RREB1: variants seen among roughly 807,000 people sequenced by gnomAD.
RREB1 encodes ras responsive element binding protein 1, also known as ras-responsive element-binding protein 1.
Under a neutral mutation model 117.8 loss-of-function variants are expected in RREB1, and 27 were observed. The observed-to-expected ratio is 0.23, with a 90% CI of 0.17 to 0.32. RREB1 has a LOEUF of 0.32. Ranked by LOEUF, RREB1 falls within the 10% of genes least tolerant of loss-of-function variation. RREB1 has a pLI of 1.00. For missense variants in RREB1, 2,577 were observed against 2,378.2 expected, an observed-to-expected ratio of 1.08 and a Z score of -1.74; for synonymous variants, 1,298 against 1,026.7, an observed-to-expected ratio of 1.26 and a Z score of -5.05.
intron 1 of RREB1, among the ~76,000 whole-genome samples, chr6:7,172,299 C>A (rs1277746109): frequency 6.6e-6 from 1 of 151,768 alleles, no homozygotes; most frequent in African/African-American, 2.4e-5. Flanking sequence ...TCAGAAGATA[C>A]CCAAAGAGGA....
chr6:7,136,855 T>C (rs1447699306), intron 1 of RREB1, among the ~76,000 whole-genome samples: 1 of 152,230 alleles, frequency 6.6e-6, no homozygotes, highest in Non-Finnish European at 1.5e-5. Context: ...GTGTTGTGTT[T>C]GCCTCAGAAT....
intron 1 of RREB1, among the ~76,000 whole-genome samples, chr6:7,115,669 C>T (rs890544490): frequency 6.6e-5 from 10 of 152,140 alleles, no homozygotes; most frequent in African/African-American, 9.7e-5. Flanking sequence ...ACGCACTCTG[C>T]GTTCTGGTGC....
chr6:7,219,814 G>A (rs542930102), intron 8 of RREB1, among the ~76,000 whole-genome samples: 2 of 152,134 alleles, frequency 1.3e-5, no homozygotes, highest in African/African-American at 4.8e-5. Flanking sequence ...TACATACCAG[G>A]GGCCATGTAG....
intron 2 of RREB1, among the ~76,000 whole-genome samples, chr6:7,179,091 T>A (rs2113523161): frequency 1.3e-5 from 2 of 152,330 alleles, no homozygotes; most frequent in South Asian, 4.1e-4. Context: ...ATATATTTTT[T>A]TCACTTTGCT....
At chr6:7,136,431 G>A (rs1395925552) in intron 1 of RREB1, among the ~76,000 whole-genome samples, 1 of 152,150 alleles carries the variant, frequency 6.6e-6, no homozygotes, top group African/African-American at 2.4e-5. Flanking sequence ...TTTTGTAAGA[G>A]ATGTTATTTA....
At chr6:7,232,113 C>T (rs781452708) in intron 10 of RREB1, among the ~76,000 whole-genome samples, 1 of 152,176 alleles carries the variant, frequency 6.6e-6, no homozygotes, top group South Asian at 2.1e-4. Flanking sequence ...GTGCAGGGGC[C>T]GAGCCCTCCA....
intron 4 of RREB1, among the ~76,000 whole-genome samples, chr6:7,182,437 T>A (rs1184522081): frequency 6.6e-6 from 1 of 152,172 alleles, no homozygotes; most frequent in African/African-American, 2.4e-5. Context: ...TTAAGTATCT[T>A]CAGATTAGGT....
At chr6:7,109,208 G>A (rs2113265145) in intron 1 of RREB1, among the ~76,000 whole-genome samples, 1 of 151,906 alleles carries the variant, frequency 6.6e-6, no homozygotes, top group South Asian at 2.1e-4. Context: ...CTCCCATCCC[G>A]GCCCCCGGCG....
intron 1 of RREB1, among the ~76,000 whole-genome samples, chr6:7,125,965 C>T (rs890068163): frequency 1.2e-4 from 18 of 151,404 alleles, no homozygotes; most frequent in African/African-American, 4.1e-4. Flanking sequence ...CTGCTTCTTC[C>T]TGTCTGCGGA....
chr6:7,152,438 CA>C (rs1330374898), intron 1 of RREB1, among the ~76,000 whole-genome samples: 1 of 152,116 alleles, frequency 6.6e-6, no homozygotes, highest in African/African-American at 2.4e-5. Flanking sequence ...ATCCACTCAC[CA>C]AAAAACCCAA....
intron 1 of RREB1, among the ~76,000 whole-genome samples, chr6:7,138,991 G>T (rs1046855127): frequency 6.6e-6 from 1 of 152,114 alleles, no homozygotes; most frequent in African/African-American, 2.4e-5. Context: ...CTAGCCAAAG[G>T]TTCACACATG....
chr6:7,174,343 C>T (rs529519244), intron 1 of RREB1, among the ~76,000 whole-genome samples: 2 of 152,220 alleles, frequency 1.3e-5, no homozygotes, highest in African/African-American at 4.8e-5. Context: ...AAATCATTTA[C>T]ACCCAAGGGC....
In RREB1 at chr6:7,167,204, A is replaced by G. The variant is rs181633697; in HGVS notation, c.-284-9451A>G. 1.2e-3 allele frequency among the ~76,000 whole-genome samples: 183 copies of G among 152,296 alleles called. 2 individuals are homozygous for G. Among genetic ancestry groups the G allele is most frequent in the Non-Finnish European group, 1.9e-4 (13 of 68,028 alleles). On this transcript the variant is annotated intron_variant, in intron 1 of 12. Transcript: ENST00000379938. Reference sequence around the variant, plus strand: ...CTGACCAGGATTGGTTTCAGCAGCAACTGAAGTCAGAGGGGTTTTTATTTC... The same window carrying G: ...CTGACCAGGATTGGTTTCAGCAGCAGCTGAAGTCAGAGGGGTTTTTATTTC...
intron 1 of RREB1, among the ~76,000 whole-genome samples, chr6:7,135,477 C>G (rs552527673): frequency 2.0e-5 from 3 of 152,118 alleles, no homozygotes; most frequent in Non-Finnish European, 2.9e-5. Context: ...TTCCATTTTC[C>G]TTTTTTTCAA....
chr6:7,221,315 C>T (rs1331267271), intron 8 of RREB1, among the ~76,000 whole-genome samples: 1 of 152,052 alleles, frequency 6.6e-6, no homozygotes. Flanking sequence ...ACTACAGGCG[C>T]CCGCCACTGC....
Position 7,138,794 on chromosome 6 carries a change from T to C in RREB1, c.-285+30734T>C, listed in dbSNP as rs138578540. Among the ~76,000 whole-genome samples, 30 of 152,366 alleles carry C rather than the reference T, an allele frequency of 2.0e-4. No homozygotes were observed. The East Asian group carries it at 5.8e-3, about 29-fold the overall frequency. Reference sequence around the variant, plus strand: ...CATGGGAGCAATTAGATGACACTTTTTTTGTTTTGTTTTTAAAAGTAACTT... The same window carrying C: ...CATGGGAGCAATTAGATGACACTTTCTTTGTTTTGTTTTTAAAAGTAACTT... On this transcript the variant is annotated intron_variant, in intron 1 of 12. Coordinates refer to ENST00000379938, the MANE Select transcript of RREB1 (RefSeq NM_001003699.4).
intron 6 of RREB1, among the ~76,000 whole-genome samples, chr6:7,191,367 C>T (rs1394134841): frequency 6.6e-6 from 1 of 152,126 alleles, no homozygotes; most frequent in Non-Finnish European, 1.5e-5. Flanking sequence ...ATCCCTTGAT[C>T]AGCTGATGGA....
intron 1 of RREB1, among the ~76,000 whole-genome samples, chr6:7,138,364 C>T (rs983364177): frequency 2.6e-5 from 4 of 152,144 alleles, no homozygotes; most frequent in South Asian, 2.1e-4. Context: ...GAAACTGTTA[C>T]GTTGAACATT....
chr6:7,216,734 G>C (rs1413898297), intron 8 of RREB1: 1 of 152,272 alleles, frequency 6.6e-6, no homozygotes, highest in African/African-American at 2.4e-5. Context: ...TTCTGTTGAA[G>C]AGTCTGTGAG....
Sources: gnomAD v4.1 joint callset for allele counts (sites outside exome capture counted in the v4.1 genomes callset) on GRCh38, gnomAD v4.1.1 for gene constraint, MANE v1.5 for transcripts, NCBI Gene and HGNC (gene_info 2026-07-23, HGNC 2026-07-21) for gene names.